RAPGEF5: variants seen among roughly 807,000 people sequenced by gnomAD.
RAPGEF5 encodes Rap guanine nucleotide exchange factor 5.
A neutral mutation model predicts 125.2 loss-of-function variants in RAPGEF5; 65 were observed. The observed-to-expected ratio is 0.52, with a 90% CI of 0.43 to 0.64. The LOEUF is 0.64. Ranked by LOEUF, RAPGEF5 falls within the 30% of genes least tolerant of loss-of-function variation. The pLI is 0.00. For missense variants in RAPGEF5, 958 were observed against 1,048.1 expected (o/e 0.91, Z 1.19); for synonymous variants, 391 against 385.9 (o/e 1.01, Z -0.16).
intron 22 of RAPGEF5, 28 bp from the exon 23 acceptor site, chr7:22,136,153 A>T: frequency 1.3e-6 from 2 of 1,521,986 alleles, no homozygotes; most frequent in South Asian, 2.4e-5. Flanking sequence ...TTACAAAGAG[A>T]AAGAAAAATC....
intron 8 of RAPGEF5, among the ~76,000 whole-genome samples, chr7:22,229,297 G>A (rs1251985428): frequency 6.6e-6 from 1 of 152,194 alleles, no homozygotes; most frequent in African/African-American, 2.4e-5. Context: ...ACAAGGCCAA[G>A]TCTGTCTGGG....
At chr7:22,280,575 G>C (rs1562505535) in intron 6 of RAPGEF5, among the ~76,000 whole-genome samples, 1 of 152,118 alleles carries the variant, frequency 6.6e-6, no homozygotes, top group Non-Finnish European at 1.5e-5. Context: ...ACCCAGGAGT[G>C]GGAATGAACC....
chr7:22,190,894 G>T (rs1044772058), intron 11 of RAPGEF5, among the ~76,000 whole-genome samples: 51 of 152,160 alleles, frequency 3.4e-4, no homozygotes, highest in Admixed American at 1.2e-3. Flanking sequence ...ATTAGGCCAT[G>T]TGGAGGGCCA....
intron 14 of RAPGEF5, 88 bp downstream of exon 14, chr7:22,160,430 C>A: frequency 7.8e-7 from 1 of 1,275,296 alleles, no homozygotes; most frequent in Non-Finnish European, 1.1e-6. Context: ...TGTTCAAAAT[C>A]AACTTTTATG....
At chr7:22,314,509 G>T in intron 3 of RAPGEF5, 2 of 639,362 alleles carry the variant, frequency 3.1e-6, no homozygotes, top group Non-Finnish European at 3.9e-6. Flanking sequence ...ATATTATAAT[G>T]AGTTTATCAT....
chr7:22,312,208 A>AT (rs1783487229), intron 3 of RAPGEF5, among the ~76,000 whole-genome samples: 1 of 148,036 alleles, frequency 6.8e-6, no homozygotes, highest in Non-Finnish European at 1.5e-5. Flanking sequence ...CAGATTCCAC[A>AT]TTCCTTTTTT....
intron 12 of RAPGEF5, 137 bp downstream of exon 12, chr7:22,166,933 G>C: frequency 1.5e-6 from 1 of 688,466 alleles, no homozygotes; most frequent in Non-Finnish European, 2.5e-6. Context: ...TTCTACCTTG[G>C]ATATCATTAC....
rs1229082705 is a variant in RAPGEF5, at chr7:22,258,182, T to C, written c.796+8782A>G. The stretch of plus-strand genomic sequence containing the variant: ...TAGATGTAGATACAGATAAACTGAT[T>C]CTGAAGTTTTTATGGAGAGAGAAAA... On this transcript the variant is annotated intron_variant, in intron 7 of 25. Coordinates refer to ENST00000665637, the MANE Select transcript of RAPGEF5 (RefSeq NM_012294.5). Among the ~76,000 whole-genome samples, 3 of 152,158 alleles carry C rather than the reference T, an allele frequency of 2.0e-5. No homozygotes were observed. The East Asian group carries it at 5.8e-4, about 29-fold the overall frequency.
At chr7:22,273,657 G>C (rs1562501776) in intron 6 of RAPGEF5, among the ~76,000 whole-genome samples, 2 of 152,288 alleles carry the variant, frequency 1.3e-5, no homozygotes, top group East Asian at 1.9e-4. Context: ...AAATGAACTG[G>C]AATAGTCTTC....
At chr7:22,286,192 T>C (rs924123966) in intron 6 of RAPGEF5, among the ~76,000 whole-genome samples, 7 of 152,188 alleles carry the variant, frequency 4.6e-5, no homozygotes, top group African/African-American at 1.7e-4. Flanking sequence ...GGGTTAATGT[T>C]TTATTCCAGA....
chr7:22,127,341 CA>C (rs1406316698), intron 24 of RAPGEF5, among the ~76,000 whole-genome samples: 1 of 152,142 alleles, frequency 6.6e-6, no homozygotes, highest in Non-Finnish European at 1.5e-5. Context: ...ACCTGGCCGG[CA>C]AAAGTCTTCT....
At chr7:22,310,817 C>A (rs150347231) in intron 3 of RAPGEF5, among the ~76,000 whole-genome samples, 2 of 152,122 alleles carry the variant, frequency 1.3e-5, no homozygotes, top group East Asian at 1.9e-4. Flanking sequence ...CCACTAACCA[C>A]GCATGAAAAA....
intron 5 of RAPGEF5, 63 bp downstream of exon 5, chr7:22,308,276 C>T: frequency 6.9e-7 from 1 of 1,455,384 alleles, no homozygotes; most frequent in South Asian, 1.4e-5. Context: ...GAATATAGTC[C>T]CTAGACATGG....
chr7:22,146,509 T>C (rs555019326), intron 19 of RAPGEF5, among the ~76,000 whole-genome samples: 29 of 152,350 alleles, frequency 1.9e-4, no homozygotes, highest in Admixed American at 1.8e-3. Flanking sequence ...AAGATGGATA[T>C]GTGTGTACAT....
intron 1 of RAPGEF5, among the ~76,000 whole-genome samples, chr7:22,353,441 C>T (rs1784364821): frequency 6.6e-6 from 1 of 152,056 alleles, no homozygotes; most frequent in Admixed American, 6.6e-5. Context: ...CTTATCAGGA[C>T]CGTAAACTGA....
chr7:22,164,285 C>CGTGCAGT (rs1562731682), intron 12 of RAPGEF5, among the ~76,000 whole-genome samples: 2 of 152,086 alleles, frequency 1.3e-5, no homozygotes, highest in Non-Finnish European at 2.9e-5. Flanking sequence ...GAGCCATGAT[C>CGTGCAGT]GAGCCACTCT....
At chr7:22,152,557 T>G (rs1783662295) in intron 17 of RAPGEF5, among the ~76,000 whole-genome samples, 1 of 152,176 alleles carries the variant, frequency 6.6e-6, no homozygotes, top group Non-Finnish European at 1.5e-5. Context: ...ACTACATACG[T>G]ATAACTACCC....
rs776645987 is a variant in RAPGEF5 at position 22,157,902 on chromosome 7, CA to C, written c.1527-18del. On this transcript the variant is annotated intron_variant, in intron 14 of 25. Coordinates refer to ENST00000665637, the MANE Select transcript of RAPGEF5 (RefSeq NM_012294.5). ...TCTACAGTGCTGAAAGGAAAAATGG[CA>C]AGAAGTCAGTCTTTGTCTCAAACCC... 1.9e-5 allele frequency: 30 copies of C among 1,607,514 alleles called. No individual in the cohort carries two copies. Among genetic ancestry groups the C allele is most frequent in the Non-Finnish European group, 2.6e-5 (30 of 1,174,320 alleles).
At chr7:22,344,330 G>C (rs1050967756) in intron 1 of RAPGEF5, among the ~76,000 whole-genome samples, 1 of 152,146 alleles carries the variant, frequency 6.6e-6, no homozygotes, top group Non-Finnish European at 1.5e-5. Flanking sequence ...AAAGATGTGT[G>C]GGCAAGGTTC....
Sources: allele counts gnomAD v4.1 joint callset (sites outside exome capture counted in the v4.1 genomes callset), GRCh38; gene constraint gnomAD v4.1.1; transcripts MANE v1.5; gene names NCBI Gene and HGNC (gene_info 2026-07-23, HGNC 2026-07-21).